Variants in ITFG1 observed in about 807,000 individuals in gnomAD.
The protein encoded by ITFG1 is integrin alpha FG-GAP repeat containing 1, also known as T-cell immunomodulatory protein.
In ITFG1, 34 loss-of-function variants were observed where a neutral mutation model predicts 81.8. The observed-to-expected ratio is 0.42, with a 90% CI of 0.32 to 0.55. The LOEUF is 0.55. Ranked by LOEUF, ITFG1 falls within the 20% of genes least tolerant of loss-of-function variation. The probability of loss-of-function intolerance (pLI) is 0.17; values close to 1 mark genes in which losing one functional copy is unlikely to be tolerated. For synonymous variants in ITFG1, 285 were observed against 270.6 expected (o/e 1.05, Z -0.52); for missense variants, 672 against 755.4 (o/e 0.89, Z 1.29).
At chr16:47,369,314 T>C (rs767446551) in intron 7 of ITFG1, among the ~76,000 whole-genome samples, 2 of 152,216 alleles carry the variant, frequency 1.3e-5, no homozygotes, top group Admixed American at 6.5e-5. Context: ...CAGTCCTTTT[T>C]CACTGAAAAG....
Position 47,161,805 on chromosome 16 carries a change from T to C in ITFG1, c.1606A>G (p.Ile536Val), listed in dbSNP as rs763027424. The C allele has an allele frequency of 1.9e-5, 30 of 1,609,362 alleles. No individual in the cohort carries two copies. The highest frequency in any genetic ancestry group is 1.6e-4 in the Middle Eastern group (1 of 6,072). Residue 536 changes from isoleucine (I) to valine (V), a missense_variant, in exon 16 of 18, where the codon ATC becomes GTC. Ile to Val is a conservative substitution (Grantham distance 29). Coordinates refer to ENST00000320640, the MANE Select transcript of ITFG1 (RefSeq NM_030790.5). ...ACAATTAGCTGGGAATTTGGAATGA[T>C]TGCAGTCCACTCTTGTTTTCGTATA... Reference protein sequence around the residue: ...KSIRKQEWTAIIPNSQLIVIP... With the variant: ...KSIRKQEWTAVIPNSQLIVIP...
chr16:47,178,633 AC>A (rs1965059560), intron 14 of ITFG1, among the ~76,000 whole-genome samples: 1 of 152,152 alleles, frequency 6.6e-6, no homozygotes, highest in Admixed American at 6.5e-5. Flanking sequence ...CTAGAAGAAA[AC>A]CTAGGCAATA....
intron 14 of ITFG1, among the ~76,000 whole-genome samples, chr16:47,206,703 CT>C (rs1232928998): frequency 6.6e-6 from 1 of 152,286 alleles, no homozygotes; most frequent in South Asian, 2.1e-4. Flanking sequence ...CTTGATTTCC[CT>C]TTTTTCACCC....
chr16:47,235,850 G>GT (rs1209302697), intron 13 of ITFG1, among the ~76,000 whole-genome samples: 3 of 152,182 alleles, frequency 2.0e-5, no homozygotes, highest in African/African-American at 7.2e-5. Context: ...TTTGACATTT[G>GT]TGATACTGGG....
chr16:47,412,615 A>G (rs1291524240), intron 6 of ITFG1, among the ~76,000 whole-genome samples: 1 of 151,452 alleles, frequency 6.6e-6, no homozygotes, highest in Non-Finnish European at 1.5e-5. Flanking sequence ...AATCACTTGA[A>G]CCCAAGGAGG....
chr16:47,278,214 GT>G (rs1185467444), intron 10 of ITFG1, among the ~76,000 whole-genome samples: 2 of 152,170 alleles, frequency 1.3e-5, no homozygotes, highest in African/African-American at 4.8e-5. Flanking sequence ...TGTTTAACAT[GT>G]TTTCATGTAA....
chr16:47,399,603 A>G (rs947191470), intron 6 of ITFG1, among the ~76,000 whole-genome samples: 2 of 152,044 alleles, frequency 1.3e-5, no homozygotes, highest in African/African-American at 4.8e-5. Context: ...GAGAGCTCAC[A>G]TTCTTTCCCA....
intron 6 of ITFG1, among the ~76,000 whole-genome samples, chr16:47,387,987 A>C (rs1162648523): frequency 6.6e-6 from 1 of 152,126 alleles, no homozygotes; most frequent in African/African-American, 2.4e-5. Flanking sequence ...TGCCTTATCA[A>C]ATATAAAATA....
At chr16:47,179,700 A>G (rs1965079191) in intron 14 of ITFG1, among the ~76,000 whole-genome samples, 1 of 152,178 alleles carries the variant, frequency 6.6e-6, no homozygotes, top group Non-Finnish European at 1.5e-5. Context: ...AGTGGTTAAT[A>G]CCTTTTAAAA....
chr16:47,332,365 T>C (rs1286576823), intron 8 of ITFG1, among the ~76,000 whole-genome samples: 1 of 152,170 alleles, frequency 6.6e-6, no homozygotes, highest in African/African-American at 2.4e-5. Context: ...GAAGCTGCTA[T>C]GTTCAAAAGC....
At chr16:47,317,230 TTAAAACTGATTTAGAGAAAC>T (rs1371636455) in intron 8 of ITFG1, among the ~76,000 whole-genome samples, 2 of 152,182 alleles carry the variant, frequency 1.3e-5, no homozygotes, top group East Asian at 1.9e-4. Context: ...AATTAAGGGT[TTAAAACTGATTTAGAGAAAC>T]TAAAACTGAT....
chr16:47,190,393 C>T (rs1160041327), intron 14 of ITFG1, among the ~76,000 whole-genome samples: 1 of 152,182 alleles, frequency 6.6e-6, no homozygotes, highest in Non-Finnish European at 1.5e-5. Context: ...GCTATTATTA[C>T]ATACATGTTA....
intron 8 of ITFG1, among the ~76,000 whole-genome samples, chr16:47,334,925 GAAGAA>G (rs1342563884): frequency 2.6e-5 from 4 of 152,220 alleles, no homozygotes; most frequent in Admixed American, 2.6e-4. Flanking sequence ...AAAGCTTATA[GAAGAA>G]AACAGGAAAA....
chr16:47,434,413 AGAT>A (rs1969138968), intron 5 of ITFG1, among the ~76,000 whole-genome samples: 1 of 152,166 alleles, frequency 6.6e-6, no homozygotes, highest in Non-Finnish European at 1.5e-5. Flanking sequence ...ACTTCTCAAA[AGAT>A]GACATTCCTG....
At chr16:47,421,688 T>A (rs951776956) in intron 6 of ITFG1, among the ~76,000 whole-genome samples, 5 of 152,220 alleles carry the variant, frequency 3.3e-5, no homozygotes, top group South Asian at 2.1e-4. Flanking sequence ...TCCTTTTTTT[T>A]AAAATTATAC....
chr16:47,169,697 A>C (rs1270904667), intron 14 of ITFG1, among the ~76,000 whole-genome samples: 1 of 152,170 alleles, frequency 6.6e-6, no homozygotes, highest in African/African-American at 2.4e-5. Context: ...CGAATTGCTA[A>C]GTGTAGGAAT....
At chr16:47,348,768 CAAAGTTGAAATGAAGG>C (rs1482090903) in intron 8 of ITFG1, among the ~76,000 whole-genome samples, 4 of 152,100 alleles carry the variant, frequency 2.6e-5, no homozygotes, top group Non-Finnish European at 5.9e-5. Flanking sequence ...TTAGATTCAC[CAAAGTTGAAATGAAGG>C]AAAAAATGTT....
chr16:47,301,950 T>C (rs1967083368), intron 10 of ITFG1, among the ~76,000 whole-genome samples: 1 of 152,084 alleles, frequency 6.6e-6, no homozygotes, highest in South Asian at 2.1e-4. Context: ...ACTCACTTCA[T>C]TAGGTATTTT....
intron 14 of ITFG1, among the ~76,000 whole-genome samples, chr16:47,172,647 A>G (rs1222754710): frequency 1.3e-5 from 2 of 152,096 alleles, no homozygotes; most frequent in Non-Finnish European, 2.9e-5. Context: ...CCTATATTCA[A>G]TCTGCCAAGA....
Sources: allele counts gnomAD v4.1 joint callset (sites outside exome capture counted in the v4.1 genomes callset), GRCh38; gene constraint gnomAD v4.1.1; transcripts MANE v1.5; gene names NCBI Gene and HGNC (gene_info 2026-07-23, HGNC 2026-07-21).